The following LRP1B variants were observed in gnomAD, a reference collection of about 807,000 sequenced individuals.
LRP1B encodes LDL receptor related protein 1B.
A neutral mutation model predicts 556.6 loss-of-function variants in LRP1B; 217 were observed. The observed-to-expected ratio is 0.39, with a 90% CI of 0.35 to 0.44. The LOEUF is 0.44. Ranked by LOEUF, LRP1B falls within the 20% of genes least tolerant of loss-of-function variation. The probability of loss-of-function intolerance (pLI) is 1.00; values close to 1 mark genes in which losing one functional copy is unlikely to be tolerated. For missense variants in LRP1B, 5,053 were observed against 5,620.8 expected (o/e 0.90, Z 3.23); for synonymous variants, 2,047 against 1,865.8 (o/e 1.10, Z -2.50).
chr2:141,962,875 C>T (rs1256856793), intron 1 of LRP1B, among the ~76,000 whole-genome samples: 1 of 151,744 alleles, frequency 6.6e-6, no homozygotes, highest in Non-Finnish European at 1.5e-5. Flanking sequence ...ATTCGTTTTC[C>T]TTCACAATTT....
intron 2 of LRP1B, among the ~76,000 whole-genome samples, chr2:141,559,930 T>C (rs1686087280): frequency 6.6e-6 from 1 of 151,688 alleles, no homozygotes; most frequent in Non-Finnish European, 1.5e-5. Flanking sequence ...AAGTTCCTTA[T>C]TTTGCATCCA....
At chr2:141,256,356 T>C (rs1477593259) in intron 3 of LRP1B, among the ~76,000 whole-genome samples, 1 of 151,728 alleles carries the variant, frequency 6.6e-6, no homozygotes, top group Non-Finnish European at 1.5e-5. Context: ...TGCTAACCTA[T>C]AATGCTTGAT....
intron 3 of LRP1B, among the ~76,000 whole-genome samples, chr2:141,259,512 A>C (rs1321152146): frequency 3.9e-5 from 6 of 152,180 alleles, no homozygotes; most frequent in African/African-American, 1.2e-4. Context: ...GCATCCTGAC[A>C]ATCTTCTCCT....
intron 6 of LRP1B, among the ~76,000 whole-genome samples, chr2:141,211,280 G>T (rs1341479761): frequency 6.7e-6 from 1 of 149,906 alleles, no homozygotes; most frequent in African/African-American, 2.5e-5. Context: ...GAGACACCAT[G>T]CCCAGCCCAT....
chr2:140,678,790 TG>T (rs1043217986), intron 41 of LRP1B, among the ~76,000 whole-genome samples: 5 of 149,264 alleles, frequency 3.3e-5, no homozygotes, highest in African/African-American at 1.0e-4. Flanking sequence ...TTTTTTTGGT[TG>T]GGGGGGAATG....
chr2:140,788,067 T>G (rs754799154), intron 32 of LRP1B, among the ~76,000 whole-genome samples: 1 of 152,210 alleles, frequency 6.6e-6, no homozygotes. Context: ...TGGATGATCA[T>G]GAGTAAGTTA....
intron 1 of LRP1B, among the ~76,000 whole-genome samples, chr2:141,864,354 A>G (rs1260543520): frequency 6.6e-6 from 1 of 152,206 alleles, no homozygotes; most frequent in Non-Finnish European, 1.5e-5. Context: ...ATTATAAAAT[A>G]CTTCTGCTTT....
At chr2:141,418,687 A>G (rs1472383798) in intron 3 of LRP1B, among the ~76,000 whole-genome samples, 2 of 152,068 alleles carry the variant, frequency 1.3e-5, no homozygotes, top group African/African-American at 4.8e-5. Flanking sequence ...ATCTTTGTCC[A>G]TCTTCCCCAA....
chr2:140,326,400 T>C (rs1352859730), intron 79 of LRP1B, among the ~76,000 whole-genome samples: 2 of 152,112 alleles, frequency 1.3e-5, no homozygotes, highest in South Asian at 2.1e-4. Flanking sequence ...TGTTATCGGA[T>C]ATCTGTGTGC....
chr2:140,234,632 C>T, intron 90 of LRP1B, 154 bp downstream of exon 90: 1 of 568,336 alleles, frequency 1.8e-6, no homozygotes, highest in Admixed American at 3.2e-5. Flanking sequence ...ATAGACAGGA[C>T]ACATAACATA....
At chr2:140,789,696 T>C (rs1396097887) in intron 32 of LRP1B, among the ~76,000 whole-genome samples, 2 of 135,064 alleles carry the variant, frequency 1.5e-5, no homozygotes, top group Admixed American at 8.2e-5. Context: ...AGTGGCGGGA[T>C]CTCGGCTCAC....
chr2:141,689,413 T>C (rs1459626283), intron 2 of LRP1B, among the ~76,000 whole-genome samples: 1 of 151,828 alleles, frequency 6.6e-6, no homozygotes, highest in African/African-American at 2.4e-5. Context: ...TCTGCATATG[T>C]AGATAAGGAG....
In LRP1B at chr2:140,457,659, A is replaced by G. The variant is rs2105324458; in HGVS notation, c.9626-8T>C. 6.2e-7 allele frequency: 1 copy of G among 1,605,374 alleles called. No individual in the cohort carries two copies. The highest frequency in any genetic ancestry group is 8.5e-7 in the Non-Finnish European group (1 of 1,172,368). ...GAATATCTTGATTAGGGACTGTAAT[A>G]GGAGATGGTAAGATTAATGTTCAGT... On this transcript the variant is annotated splice_polypyrimidine_tract_variant and splice_region_variant and intron_variant, in intron 60 of 90. Coordinates refer to ENST00000389484, the MANE Select transcript of LRP1B (RefSeq NM_018557.3).
At chr2:141,345,622 T>G (rs1023536724) in intron 3 of LRP1B, among the ~76,000 whole-genome samples, 3 of 151,574 alleles carry the variant, frequency 2.0e-5, no homozygotes, top group Non-Finnish European at 4.4e-5. Context: ...CCCAGGTAGC[T>G]AGGACTACGA....
At chr2:141,844,570 A>G (rs1206495534) in intron 1 of LRP1B, among the ~76,000 whole-genome samples, 1 of 152,100 alleles carries the variant, frequency 6.6e-6, no homozygotes, top group African/African-American at 2.4e-5. Flanking sequence ...TTTCAGATAA[A>G]TAAACGAGCA....
At chr2:140,721,358 A>C (rs887916355) in intron 35 of LRP1B, among the ~76,000 whole-genome samples, 57 of 152,046 alleles carry the variant, frequency 3.7e-4, no homozygotes, top group African/African-American at 1.3e-3. Context: ...AGGACTTTAC[A>C]TTTATCCTAT....
intron 3 of LRP1B, among the ~76,000 whole-genome samples, chr2:141,421,011 T>C (rs1680117804): frequency 6.6e-6 from 1 of 152,194 alleles, no homozygotes; most frequent in Non-Finnish European, 1.5e-5. Context: ...AAACCACTCT[T>C]CTTATGCCTT....
chr2:141,569,488 G>A (rs866195863), intron 2 of LRP1B, among the ~76,000 whole-genome samples: 3 of 151,040 alleles, frequency 2.0e-5, no homozygotes, highest in African/African-American at 4.8e-5. Context: ...GTCTGGAGAG[G>A]GAGGAACTAG....
chr2:141,038,589 T>C (rs908835339), intron 11 of LRP1B, among the ~76,000 whole-genome samples: 1 of 152,114 alleles, frequency 6.6e-6, no homozygotes, highest in Non-Finnish European at 1.5e-5. Context: ...GCTAGTGTCG[T>C]GGGAGTTTTC....
Sources: gnomAD v4.1 joint callset for allele counts (sites outside exome capture counted in the v4.1 genomes callset) on GRCh38, gnomAD v4.1.1 for gene constraint, MANE v1.5 for transcripts, NCBI Gene and HGNC (gene_info 2026-07-23, HGNC 2026-07-21) for gene names.